ITGA1: variants seen among roughly 807,000 people sequenced by gnomAD.
ITGA1 encodes the protein integrin subunit alpha 1.
ITGA1 carries 85 observed loss-of-function variants against 145.9 expected under a neutral mutation model. That is an observed-to-expected ratio of 0.58 (90% CI 0.49 to 0.70). The LOEUF (loss-of-function observed/expected upper bound fraction) is 0.70. Ranked by LOEUF, ITGA1 falls within the 30% of genes least tolerant of loss-of-function variation. The pLI is 0.00. For synonymous variants in ITGA1, 520 were observed against 495.3 expected (o/e 1.05, Z -0.66); for missense variants, 1,351 against 1,418.7 (o/e 0.95, Z 0.77).
In ITGA1 at chr5:52,940,048, C is replaced by T. The variant is rs41311617; in HGVS notation, c.3285+104C>T. Reference sequence around the variant, plus strand: ...CTGTGCTGCTTTTGGAAAGAATGTGCGACTGGAAGTATAAGAGGATGTGAC... The same window carrying T: ...CTGTGCTGCTTTTGGAAAGAATGTGTGACTGGAAGTATAAGAGGATGTGAC... On this transcript the variant is annotated intron_variant, in intron 26 of 28. Coordinates refer to ENST00000282588, the MANE Select transcript of ITGA1 (RefSeq NM_181501.2). 79 of 734,962 alleles carry T rather than the reference C, an allele frequency of 1.1e-4. 1 individual carries two copies. The African/African-American group carries it at 1.1e-3, about 10-fold the overall frequency. The allele number at this position is 734,962 out of a possible 1,614,324, so 45.5% of individuals were successfully genotyped here.
intron 2 of ITGA1, among the ~76,000 whole-genome samples, chr5:52,859,243 A>G (rs1057417682): frequency 1.6e-4 from 25 of 152,202 alleles, no homozygotes; most frequent in African/African-American, 5.5e-4. Flanking sequence ...TCATCCTACC[A>G]TACAATGAAT....
rs1751326482 is a variant in ITGA1 at position 52,957,965 on chromosome 5, T to C, written c.*5514T>C. On this transcript the variant is annotated 3_prime_UTR_variant, in exon 29 of 29. Transcript: ENST00000282588. ...TTCAGTTTGATCTGTGCCTTTAGAT[T>C]GGGGACAAAATTTTAAAAACAAATC... 6.6e-6 allele frequency: 1 copy of C among 152,234 alleles called. No homozygotes were observed. The allele number at this position is 152,234 out of a possible 1,614,324, so 9.4% of individuals were successfully genotyped here.
chr5:52,908,056 A>G (rs905706365), intron 12 of ITGA1, among the ~76,000 whole-genome samples: 2 of 152,194 alleles, frequency 1.3e-5, no homozygotes, highest in African/African-American at 4.8e-5. Context: ...CTAGGGTAAG[A>G]GAATGGAAAA....
At chr5:52,860,783 C>A (rs1420673820) in intron 2 of ITGA1, among the ~76,000 whole-genome samples, 1 of 152,154 alleles carries the variant, frequency 6.6e-6, no homozygotes, top group Non-Finnish European at 1.5e-5. Context: ...CTTGTTGGAA[C>A]TAAAATCAGT....
At chr5:52,828,178 T>C (rs1748999858) in intron 1 of ITGA1, among the ~76,000 whole-genome samples, 1 of 152,236 alleles carries the variant, frequency 6.6e-6, no homozygotes, top group African/African-American at 2.4e-5. Flanking sequence ...AGGAATAGAA[T>C]TGTTGACTTG....
chr5:52,921,986 C>T (rs1750734979), intron 17 of ITGA1, among the ~76,000 whole-genome samples: 1 of 152,130 alleles, frequency 6.6e-6, no homozygotes, highest in South Asian at 2.1e-4. Context: ...ATATTCACAT[C>T]CTTTCCAAAT....
intron 8 of ITGA1, among the ~76,000 whole-genome samples, chr5:52,893,218 A>G (rs1110350): frequency 0.24 from 36,874 of 152,082 alleles, 4,628 homozygotes; most frequent in South Asian, 0.34. Context: ...TAAAATATAT[A>G]TGTGCTGGAC....
At chr5:52,884,385 T>G (rs1030517972) in intron 7 of ITGA1, among the ~76,000 whole-genome samples, 2 of 150,718 alleles carry the variant, frequency 1.3e-5, no homozygotes, top group African/African-American at 4.9e-5. Context: ...AGGCGGAGGT[T>G]GCAGTGAGCC....
intron 14 of ITGA1, among the ~76,000 whole-genome samples, chr5:52,911,396 A>C (rs1453504558): frequency 7.4e-6 from 1 of 134,740 alleles, no homozygotes; most frequent in African/African-American, 2.7e-5. Flanking sequence ...TATAGTGTAT[A>C]TATAGTATAT....
chr5:52,944,422 C>T (rs895503274), intron 26 of ITGA1, among the ~76,000 whole-genome samples: 2 of 152,178 alleles, frequency 1.3e-5, no homozygotes, highest in Non-Finnish European at 1.5e-5. Flanking sequence ...TCTTCAGCCT[C>T]AGCATCTGTG....
At chr5:52,845,222 G>C (rs1749313912) in intron 1 of ITGA1, among the ~76,000 whole-genome samples, 1 of 152,152 alleles carries the variant, frequency 6.6e-6, no homozygotes, top group African/African-American at 2.4e-5. Flanking sequence ...TATTAAAGAT[G>C]ATGACATGCT....
intron 1 of ITGA1, 114 bp downstream of exon 1, chr5:52,788,528 T>C: frequency 1.1e-6 from 1 of 902,766 alleles, no homozygotes; most frequent in Non-Finnish European, 1.5e-6. Context: ...CCCATCCACT[T>C]TCGGGCATTC....
intron 15 of ITGA1, among the ~76,000 whole-genome samples, chr5:52,915,967 T>C (rs1750640790): frequency 6.6e-6 from 1 of 152,204 alleles, no homozygotes; most frequent in Non-Finnish European, 1.5e-5. Flanking sequence ...TTCATTTACC[T>C]GATACATAGA....
At chr5:52,828,135 A>G (rs1172728358) in intron 1 of ITGA1, among the ~76,000 whole-genome samples, 1 of 152,204 alleles carries the variant, frequency 6.6e-6, no homozygotes, top group African/African-American at 2.4e-5. Flanking sequence ...TTCTCTGAAC[A>G]TATGTTTTCA....
At position 52,873,309 on chromosome 5, in the gene ITGA1, G is replaced by A. The variant is rs1260794055; in HGVS notation, c.624+7492G>A. 2.0e-5 allele frequency among the ~76,000 whole-genome samples: 3 copies of A among 152,188 alleles called. No individual in the cohort carries two copies. In the East Asian group the frequency reaches 5.8e-4, roughly 29 times the overall value. On this transcript the variant is annotated intron_variant, in intron 6 of 28. Transcript: ENST00000282588. ...CCCCTCAGCCCTAATTTCTCCTATA[G>A]CCCTTGCCCTTCTCCACAAACACAG...
At chr5:52,803,508 T>C (rs1265217075) in intron 1 of ITGA1, 3 of 152,208 alleles carry the variant, frequency 2.0e-5, no homozygotes, top group Non-Finnish European at 4.4e-5. Flanking sequence ...CTAATAAATA[T>C]AACCAATACA....
chr5:52,936,511 T>C (rs1672880017), intron 23 of ITGA1, among the ~76,000 whole-genome samples: 1 of 152,072 alleles, frequency 6.6e-6, no homozygotes, highest in Admixed American at 6.6e-5. Flanking sequence ...GGTCTATCTA[T>C]GTAGATCAAG....
At chr5:52,844,467 A>G (rs1749304278) in intron 1 of ITGA1, among the ~76,000 whole-genome samples, 1 of 152,204 alleles carries the variant, frequency 6.6e-6, no homozygotes, top group Admixed American at 6.5e-5. Context: ...AATTAATATG[A>G]ATAGTGGTTA....
At chr5:52,807,555 TG>T (rs1748610136) in intron 1 of ITGA1, among the ~76,000 whole-genome samples, 1 of 152,170 alleles carries the variant, frequency 6.6e-6, no homozygotes, top group Admixed American at 6.5e-5. Flanking sequence ...TAGGCAAACA[TG>T]TATCTAAAAA....
Sources: gnomAD v4.1 joint callset for allele counts (sites outside exome capture counted in the v4.1 genomes callset) on GRCh38, gnomAD v4.1.1 for gene constraint, MANE v1.5 for transcripts, NCBI Gene and HGNC (gene_info 2026-07-23, HGNC 2026-07-21) for gene names.